The following EXOSC5 variants were observed in gnomAD, a reference collection of about 807,000 sequenced individuals.
The protein encoded by EXOSC5 is exosome complex component RRP46.
Under a neutral mutation model 23.7 loss-of-function variants are expected in EXOSC5, and 15 were observed. That is an observed-to-expected ratio of 0.63 (90% CI 0.42 to 0.97). The LOEUF is 0.97. EXOSC5 is among the 50% of genes least tolerant of loss of function. The probability of loss-of-function intolerance (pLI) is 0.00; values close to 1 mark genes in which losing one functional copy is unlikely to be tolerated. For synonymous variants in EXOSC5, 143 were observed against 140.9 expected, an observed-to-expected ratio of 1.02 and a Z score of -0.11; for missense variants, 305 against 316.3, an observed-to-expected ratio of 0.96 and a Z score of 0.27.
rs557342298 is a variant in EXOSC5, at chr19:41,392,962, G to T, written c.167C>A (p.Ala56Glu). The change falls in exon 2 of 6, where the codon GCG becomes GAG. Residue 56 changes from alanine to glutamate, a missense_variant. Physicochemically the swap from Ala to Glu is moderately radical, Grantham distance 107. Coordinates refer to ENST00000221233, the MANE Select transcript of EXOSC5 (RefSeq NM_020158.4). ...CACCTCGGCCGGCCCGTACACACCC[G>T]CCAGGACAGAGGTGTCACCTGAGGA... Reference protein sequence around the residue: ...SFLQGDTSVLAGVYGPAEVKV... With the variant: ...SFLQGDTSVLEGVYGPAEVKV... 1.2e-6 allele frequency: 2 copies of T among 1,613,192 alleles called. No homozygotes were observed. Among genetic ancestry groups the T allele is most frequent in the Admixed American group, 3.3e-5 (2 of 60,004 alleles).
At chr19:41,392,191 C>T (rs1240578119) in intron 2 of EXOSC5, 1 of 568,556 alleles carries the variant, frequency 1.8e-6, no homozygotes, top group African/African-American at 2.0e-5. Context: ...GGAAGAAGAC[C>T]TGGGAGTTCC....
chr19:41,393,941 C>A (rs2039043241), intron 1 of EXOSC5, among the ~76,000 whole-genome samples: 1 of 152,168 alleles, frequency 6.6e-6, no homozygotes, highest in Non-Finnish European at 1.5e-5. Flanking sequence ...CTTTCCAAAG[C>A]TTCCCCAGCC....
At chr19:41,393,943 T>A (rs1389241205) in intron 1 of EXOSC5, among the ~76,000 whole-genome samples, 3 of 152,126 alleles carry the variant, frequency 2.0e-5, no homozygotes, top group Non-Finnish European at 4.4e-5. Flanking sequence ...TTCCAAAGCT[T>A]CCCCAGCCCA....
rs747706254 is a variant in EXOSC5 at position 41,386,715 on chromosome 19, C to CA, written c.625dup (p.Cys209LeufsTer59). 9.4e-6 allele frequency: 15 copies of CA among 1,595,294 alleles called. No individual in the cohort carries two copies. Among genetic ancestry groups the CA allele is most frequent in the Non-Finnish European group, 3.4e-6 (4 of 1,172,758 alleles). ...CGAAGCGGCCTGGGCCGCAGCCAGG[C>CA]ACTGCTGGAGCTGCGGGGGAGAGAC... is the stretch of plus-strand genomic sequence containing the variant. On this transcript the variant is annotated frameshift_variant, in exon 6 of 6. Transcript: ENST00000221233. LOFTEE classifies it high-confidence loss of function.
intron 5 of EXOSC5, among the ~76,000 whole-genome samples, 185 bp downstream of exon 5, chr19:41,387,329 T>C (rs902176791): frequency 6.6e-6 from 1 of 152,180 alleles, no homozygotes; most frequent in Non-Finnish European, 1.5e-5. Context: ...GTGTTATAAA[T>C]TGGGCTTCCC....
intron 5 of EXOSC5, 108 bp from the exon 6 acceptor site, chr19:41,386,833 T>C (rs1287655445): frequency 1.1e-6 from 1 of 886,734 alleles, no homozygotes; most frequent in Non-Finnish European, 1.7e-6. Flanking sequence ...TAACCTCCCA[T>C]CACTCCCCTG....
At chr19:41,391,529 G>A (rs2039022419) in intron 3 of EXOSC5, 4 of 294,084 alleles carry the variant, frequency 1.4e-5, no homozygotes, top group South Asian at 1.2e-4. Context: ...TGAAACATGC[G>A]AACATAAGAA....
At chr19:41,396,754 G>A (rs1470427577) in intron 1 of EXOSC5, among the ~76,000 whole-genome samples, 3 of 149,374 alleles carry the variant, frequency 2.0e-5, no homozygotes, top group African/African-American at 7.4e-5. Context: ...GAGTATTTAC[G>A]TGGGTGAAAG....
chr19:41,397,346 C>G lies in EXOSC5; in HGVS notation c.-18G>C, dbSNP rs754781878. ...TCCTCCATCGCGCCGAGCCCACGTG[C>G]GGCTGCAGTTGTCACTTCCGCCTGG... On this transcript the variant is annotated 5_prime_UTR_variant, in exon 1 of 6. Transcript: ENST00000221233. 1.9e-6 allele frequency: 3 copies of G among 1,586,148 alleles called. No individual in the cohort carries two copies. Among genetic ancestry groups the G allele is most frequent in the Non-Finnish European group, 2.6e-6 (3 of 1,162,544 alleles).
chr19:41,386,999 C>A (rs1327182963), intron 5 of EXOSC5, among the ~76,000 whole-genome samples: 1 of 152,204 alleles, frequency 6.6e-6, no homozygotes, highest in Non-Finnish European at 1.5e-5. Flanking sequence ...TTGGAGGAGG[C>A]CCCAGCTGTG....
In EXOSC5 at chr19:41,391,922, C is replaced by T. The variant is rs770606591; in HGVS notation, c.303G>A (p.Thr101=). The T allele has an allele frequency of 2.2e-5, 34 of 1,579,384 alleles. No individual in the cohort carries two copies. Among genetic ancestry groups the T allele is most frequent in the African/African-American group, 5.5e-5 (4 of 72,220 alleles). The change falls in exon 3 of 6, where the codon ACG becomes ACA. Residue 101 remains threonine (T), a synonymous_variant. Transcript: ENST00000221233. ...ACGTGCCCAGCACCACCGCCTCGCA[C>T]GTGTTCCTGATCAGCCGCTCCCGGC... ...EKSRERLIRN[T]CEAVVLGTLH...
chr19:41,396,490 G>A (rs189994551), intron 1 of EXOSC5, among the ~76,000 whole-genome samples: 57 of 152,256 alleles, frequency 3.7e-4, no homozygotes, highest in African/African-American at 1.3e-3. Flanking sequence ...GATTACAGGC[G>A]TGAGCCACCG....
At position 41,392,849 on chromosome 19, in the gene EXOSC5, T is replaced by G; in HGVS notation, c.262+18A>C. The G allele has an allele frequency of 6.2e-7, 1 of 1,612,484 alleles. No homozygotes were observed. Among genetic ancestry groups the G allele is most frequent in the African/African-American group, 1.3e-5 (1 of 74,950 alleles). ...GACAAACTGGGCACCACTCAGAGGT[T>G]CAGCAGGGCCCAATTACCAGGCAGC... is the stretch of plus-strand genomic sequence containing the variant. On this transcript the variant is annotated intron_variant, in intron 2 of 5. Coordinates refer to ENST00000221233, the MANE Select transcript of EXOSC5 (RefSeq NM_020158.4).
intron 5 of EXOSC5, 62 bp downstream of exon 5, chr19:41,387,452 A>G (rs1247900825): frequency 7.3e-7 from 1 of 1,367,204 alleles, no homozygotes; most frequent in Non-Finnish European, 1.0e-6. Flanking sequence ...CAGAGTTGGG[A>G]CAAGACCGTA....
intron 2 of EXOSC5, 141 bp downstream of exon 2, chr19:41,392,726 A>G: frequency 1.6e-6 from 1 of 625,158 alleles, no homozygotes; most frequent in Non-Finnish European, 2.9e-6. Flanking sequence ...GTTATTAATT[A>G]GAGGCGGAGA....
In EXOSC5 at chr19:41,386,671, AG is replaced by A; in HGVS notation, c.669del (p.Tyr224ThrfsTer54). ...AQAASQHVFR[F>X]YRESLQRRYS... ...TAACGCCTCTGCAGCGATTCCCGGT[AG>A]AAACGGAAGACGTGTTGCGAAGCGG... is the stretch of plus-strand genomic sequence containing the variant. On this transcript the variant is annotated frameshift_variant, in exon 6 of 6. Coordinates refer to ENST00000221233, the MANE Select transcript of EXOSC5 (RefSeq NM_020158.4). LOFTEE classifies it high-confidence loss of function. 6.2e-7 allele frequency: 1 copy of A among 1,603,484 alleles called. No homozygotes were observed. Among genetic ancestry groups the A allele is most frequent in the Non-Finnish European group, 8.5e-7 (1 of 1,175,368 alleles).
chr19:41,394,828 T>A (rs1364774872), intron 1 of EXOSC5, among the ~76,000 whole-genome samples: 2 of 147,686 alleles, frequency 1.4e-5, no homozygotes, highest in Non-Finnish European at 3.0e-5. Flanking sequence ...GGGTCAGGAG[T>A]TCAAGATCAG....
intron 2 of EXOSC5, 33 bp downstream of exon 2, chr19:41,392,834 G>T: frequency 6.2e-7 from 1 of 1,602,012 alleles, no homozygotes; most frequent in Non-Finnish European, 8.5e-7. Context: ...GACAAACTGG[G>T]CACCACTCAG....
chr19:41,390,700 G>A (rs1351452962), intron 3 of EXOSC5, among the ~76,000 whole-genome samples: 2 of 152,072 alleles, frequency 1.3e-5, no homozygotes, highest in Non-Finnish European at 2.9e-5. Flanking sequence ...AGCACAGGTT[G>A]GGAGTCAGCT....
Sources: allele counts gnomAD v4.1 joint callset (sites outside exome capture counted in the v4.1 genomes callset), GRCh38; gene constraint gnomAD v4.1.1; transcripts MANE v1.5; gene names NCBI Gene and HGNC (gene_info 2026-07-23, HGNC 2026-07-21).